Variants in BEST3 observed in about 807,000 individuals in gnomAD.
BEST3 encodes bestrophin-3.
A neutral mutation model predicts 47.1 loss-of-function variants in BEST3; 50 were observed. That is an observed-to-expected ratio of 1.06 (90% CI 0.85 to 1.34). The LOEUF is 1.34. Among genes scored for constraint, BEST3 ranks in the 40% most tolerant of loss-of-function variants. The pLI is 0.00. For missense variants in BEST3, 765 were observed against 817.0 expected (o/e 0.94, Z 0.78); for synonymous variants, 282 against 298.8 (o/e 0.94, Z 0.58).
Position 69,693,759 on chromosome 12 carries a change from G to C in BEST3, c.396C>G (p.Val132=). Residue 132 remains valine (V), a synonymous_variant, in exon 4 of 10, where the codon GTC becomes GTG. Transcript: ENST00000330891. ...GAAAGATGAGCAGGGAGGTGAGATT[G>C]ACGTAGCGCATCAGCGTCCTTCTAA... The part of the protein sequence containing the change: ...RLLRRTLMRY[V]NLTSLLIFRS... The C allele has an allele frequency of 6.2e-7, 1 of 1,614,192 alleles. No homozygotes were observed. Among genetic ancestry groups the C allele is most frequent in the African/African-American group, 1.3e-5 (1 of 75,062 alleles).
intron 9 of BEST3, among the ~76,000 whole-genome samples, chr12:69,665,029 C>T (rs931035941): frequency 6.6e-6 from 1 of 152,122 alleles, no homozygotes; most frequent in African/African-American, 2.4e-5. Flanking sequence ...ACACAGTGGA[C>T]AGCACTACAG....
rs1565819404 is a variant in BEST3, at chr12:69,654,400, G to A, written c.*507C>T. The stretch of plus-strand genomic sequence containing the variant: ...CAATAATAGTTATAAAAGTAGGAAT[G>A]AGATGGTTAGAAAGCCTCAAACAAA... On this transcript the variant is annotated 3_prime_UTR_variant, in exon 10 of 10. Coordinates refer to ENST00000330891, the MANE Select transcript of BEST3 (RefSeq NM_032735.3). The A allele has an allele frequency of 1.0e-6, 1 of 985,594 alleles. No individual in the cohort carries two copies. The highest frequency in any genetic ancestry group is 1.2e-6 in the Non-Finnish European group (1 of 830,184). The allele number at this position is 985,594 out of a possible 1,614,324, so 61.1% of individuals were successfully genotyped here.
intron 9 of BEST3, chr12:69,643,868 A>G (rs1411736822): frequency 1.0e-5 from 6 of 579,104 alleles, no homozygotes; most frequent in Non-Finnish European, 1.9e-5. Context: ...CCAAACTCAC[A>G]GAGTTGAATT....
chr12:69,646,385 T>A (rs1310822289), intron 9 of BEST3, among the ~76,000 whole-genome samples: 3 of 152,248 alleles, frequency 2.0e-5, no homozygotes, highest in African/African-American at 4.8e-5. Context: ...TAACTTTGGA[T>A]CTAGATCTGA....
In BEST3 at chr12:69,693,747, G is replaced by C. The variant is rs773787430; in HGVS notation, c.408C>G (p.Ser136=). 33 of 1,614,068 alleles carry C rather than the reference G, an allele frequency of 2.0e-5. No homozygotes were observed. The highest frequency in any genetic ancestry group is 2.6e-5 in the Non-Finnish European group (31 of 1,180,042). Residue 136 remains serine (S), a synonymous_variant, in exon 4 of 10, where the codon TCC becomes TCG. Transcript: ENST00000330891. ...RTLMRYVNLT[S]LLIFRSVSTA... is the part of the protein sequence containing the mutation. ...TGCTCACCGAGCGAAAGATGAGCAG[G>C]GAGGTGAGATTGACGTAGCGCATCA... is the stretch of plus-strand genomic sequence containing the variant.
In BEST3 at chr12:69,676,962, G is replaced by T; in HGVS notation, c.821C>A (p.Pro274His). Reference protein sequence around the residue: ...YAGHDLDLYIPIFTLLQFFFY... With the variant: ...YAGHDLDLYIHIFTLLQFFFY... ...GAAGAATTGTAGGAGGGTGAAGATG[G>T]GAATGTAAAGATCCAAGTCATGCCC... Residue 274 changes from proline (P) to histidine (H), a missense_variant, in exon 7 of 10, where the codon CCC becomes CAC. Transcript: ENST00000330891. The T allele has an allele frequency of 1.9e-6, 3 of 1,614,052 alleles. No homozygotes were observed. Among genetic ancestry groups the T allele is most frequent in the Non-Finnish European group, 2.5e-6 (3 of 1,179,986 alleles).
intron 9 of BEST3, chr12:69,670,379 C>A: frequency 1.4e-6 from 1 of 691,732 alleles, no homozygotes; most frequent in East Asian, 2.7e-5. Context: ...GCTTTGCGGG[C>A]AACAAGGCAA....
intron 9 of BEST3, among the ~76,000 whole-genome samples, chr12:69,656,830 C>A (rs1883532536): frequency 6.6e-6 from 1 of 151,942 alleles, no homozygotes; most frequent in African/African-American, 2.4e-5. Flanking sequence ...GAGCTAGAGC[C>A]CAGGGTGGAA....
chr12:69,689,849 C>A (rs1276557442), intron 4 of BEST3, among the ~76,000 whole-genome samples: 3 of 152,198 alleles, frequency 2.0e-5, no homozygotes, highest in Admixed American at 6.5e-5. Context: ...TAATTCATGA[C>A]CCTCAAGCTG....
At chr12:69,651,402 A>G (rs138333255), downstream of BEST3, among the ~76,000 whole-genome samples, 139 of 152,330 alleles carry the variant, frequency 9.1e-4, 1 homozygote, top group African/African-American at 3.3e-3. Context: ...TTATCCCATT[A>G]TAACTCATGG....
intron 2 of BEST3, 83 bp from the exon 3 acceptor site, chr12:69,694,547 T>A: frequency 1.7e-6 from 1 of 583,852 alleles, no homozygotes. Flanking sequence ...TGCAAACAAT[T>A]AAGCACAAAT....
chr12:69,672,311 G>A (rs2135964263), intron 8 of BEST3, among the ~76,000 whole-genome samples: 1 of 152,370 alleles, frequency 6.6e-6, no homozygotes, highest in Non-Finnish European at 1.5e-5. Context: ...GGTCTAGGGA[G>A]AGTCTTGCCT....
intron 3 of BEST3, 64 bp downstream of exon 3, chr12:69,694,306 G>T: frequency 1.9e-6 from 1 of 523,372 alleles, no homozygotes; most frequent in Non-Finnish European, 2.9e-6. Context: ...CCCATGCAGA[G>T]TCATCGGTGT....
chr12:69,650,435 CA>C (rs1459235075), downstream of BEST3, among the ~76,000 whole-genome samples: 3 of 152,148 alleles, frequency 2.0e-5, no homozygotes, highest in African/African-American at 7.2e-5. Context: ...CATAGTTCAA[CA>C]AGACAAAATG....
At chr12:69,685,692 T>C (rs1187342505) in intron 4 of BEST3, among the ~76,000 whole-genome samples, 2 of 152,182 alleles carry the variant, frequency 1.3e-5, no homozygotes, top group Admixed American at 6.5e-5. Context: ...CTGTTTAAAA[T>C]GTCAATTTCT....
chr12:69,697,552 T>A lies in BEST3; in HGVS notation c.152+95A>T. ...CTCACGCAAAAAAGGAGTTCCATAA[T>A]GCGAAGTCAGTGGCAATCAAAAGGT... is the stretch of plus-strand genomic sequence containing the variant. On this transcript the variant is annotated intron_variant, in intron 2 of 9. Transcript: ENST00000330891. The A allele has an allele frequency of 2.9e-6, 3 of 1,028,370 alleles. No individual in the cohort carries two copies. In the South Asian group the frequency reaches 5.8e-5, roughly 20 times the overall value. 63.7% of individuals were successfully genotyped at this position (1,028,370 alleles called of 1,614,324 possible). A position where few individuals can be genotyped will look rare whatever the true frequency, so the allele number is the denominator to read the frequency against.
chr12:69,648,615 G>A (rs4761252), downstream of BEST3, among the ~76,000 whole-genome samples: 1 of 151,904 alleles, frequency 6.6e-6, no homozygotes, highest in African/African-American at 2.4e-5. Context: ...GAGGATGGGA[G>A]GGACAGAACT....
At chr12:69,648,682 A>C (rs568099992), downstream of BEST3, among the ~76,000 whole-genome samples, 5 of 152,288 alleles carry the variant, frequency 3.3e-5, no homozygotes, top group South Asian at 1.0e-3. Context: ...TTAATGTTTC[A>C]TGAATGACTA....
At chr12:69,673,336 G>T (rs747845865) in intron 7 of BEST3, among the ~76,000 whole-genome samples, 16 of 152,336 alleles carry the variant, frequency 1.1e-4, no homozygotes, top group East Asian at 3.9e-4. Flanking sequence ...GAATTACAGG[G>T]CCCAGATGAT....
Sources: gnomAD v4.1 joint callset for allele counts (sites outside exome capture counted in the v4.1 genomes callset) on GRCh38, gnomAD v4.1.1 for gene constraint, MANE v1.5 for transcripts, NCBI Gene and HGNC (gene_info 2026-07-23, HGNC 2026-07-21) for gene names.